OPCML: variants seen among roughly 807,000 people sequenced by gnomAD.
OPCML encodes the protein opioid-binding protein/cell adhesion molecule.
OPCML carries 13 observed loss-of-function variants against 37.8 expected under a neutral mutation model. That is an observed-to-expected ratio of 0.34 (90% CI 0.22 to 0.55). The LOEUF is 0.55. Among genes scored for constraint, OPCML ranks in the 20% least tolerant of loss-of-function variants. The pLI is 0.91. For synonymous variants in OPCML, 176 were observed against 168.8 expected (o/e 1.04, Z -0.33); for missense variants, 341 against 435.6 (o/e 0.78, Z 1.93).
At chr11:132,478,085 C>T (rs2096163553) in intron 4 of OPCML, among the ~76,000 whole-genome samples, 1 of 152,070 alleles carries the variant, frequency 6.6e-6, no homozygotes, top group African/African-American at 2.4e-5. Flanking sequence ...GCAGAATATA[C>T]TCACATGTAA....
chr11:132,783,053 C>T (rs1947090439), intron 2 of OPCML, among the ~76,000 whole-genome samples: 1 of 151,656 alleles, frequency 6.6e-6, no homozygotes, highest in African/African-American at 2.4e-5. Flanking sequence ...TTTTAGCTCA[C>T]TGTGGAAGTT....
intron 2 of OPCML, among the ~76,000 whole-genome samples, chr11:132,940,197 C>A (rs528109800): frequency 6.6e-6 from 1 of 152,176 alleles, no homozygotes; most frequent in African/African-American, 2.4e-5. Flanking sequence ...TCACTCTTCT[C>A]TGAGCTGTGC....
intron 1 of OPCML, among the ~76,000 whole-genome samples, chr11:133,401,090 T>C (rs79379960): frequency 0.046 from 7,043 of 152,240 alleles, 222 homozygotes; most frequent in Non-Finnish European, 0.073. Flanking sequence ...GAAAAGTCAC[T>C]GAAAAATAAA....
intron 2 of OPCML, among the ~76,000 whole-genome samples, chr11:132,744,483 C>T (rs1279043523): frequency 6.6e-6 from 1 of 152,142 alleles, no homozygotes; most frequent in African/African-American, 2.4e-5. Context: ...ACTTTGTCTC[C>T]ACCTCTAGCC....
intron 2 of OPCML, among the ~76,000 whole-genome samples, chr11:132,719,609 C>A (rs1944610397): frequency 6.6e-6 from 1 of 152,174 alleles, no homozygotes; most frequent in South Asian, 2.1e-4. Context: ...CAGGCAGATT[C>A]CTGCTCACAA....
At chr11:133,295,926 G>T (rs73600442) in intron 1 of OPCML, among the ~76,000 whole-genome samples, 2 of 152,044 alleles carry the variant, frequency 1.3e-5, no homozygotes, top group Admixed American at 6.6e-5. Flanking sequence ...ATTTTGAAAC[G>T]AATATAACAT....
intron 1 of OPCML, among the ~76,000 whole-genome samples, chr11:133,209,313 T>C (rs996462030): frequency 5.3e-5 from 8 of 152,222 alleles, no homozygotes; most frequent in Admixed American, 1.3e-4. Flanking sequence ...TGGAAGATTA[T>C]AGAACCAGAC....
intron 1 of OPCML, among the ~76,000 whole-genome samples, chr11:133,108,294 G>A (rs1368634405): frequency 6.6e-6 from 1 of 152,180 alleles, no homozygotes; most frequent in African/African-American, 2.4e-5. Flanking sequence ...GAAGGGTGTT[G>A]TTGTTCTTCT....
intron 1 of OPCML, among the ~76,000 whole-genome samples, chr11:133,210,866 G>A (rs1375005953): frequency 6.6e-6 from 1 of 152,130 alleles, no homozygotes. Flanking sequence ...TGTAGTGCCT[G>A]GTACAGAGGT....
intron 2 of OPCML, among the ~76,000 whole-genome samples, chr11:132,891,367 A>T (rs558594694): frequency 6.6e-6 from 1 of 152,278 alleles, no homozygotes; most frequent in Admixed American, 6.5e-5. Flanking sequence ...CTCCCTTTTC[A>T]ACCTTTCTTG....
intron 1 of OPCML, among the ~76,000 whole-genome samples, chr11:133,262,103 G>A (rs943621782): frequency 6.6e-6 from 1 of 152,076 alleles, no homozygotes; most frequent in Admixed American, 6.5e-5. Context: ...AATTATATAC[G>A]CTTTTGATGT....
chr11:133,241,292 G>T (rs552419761), intron 1 of OPCML, among the ~76,000 whole-genome samples: 244 of 152,334 alleles, frequency 1.6e-3, no homozygotes, highest in Non-Finnish European at 2.7e-3. Flanking sequence ...GCTCAGGAGT[G>T]TGCATGGAAG....
chr11:132,925,699 A>T (rs1392131094), intron 2 of OPCML, among the ~76,000 whole-genome samples: 2 of 152,116 alleles, frequency 1.3e-5, no homozygotes, highest in Non-Finnish European at 2.9e-5. Flanking sequence ...TAAACAGTGA[A>T]TCTCTGTATC....
chr11:132,642,406 A>G (rs1307342241), intron 3 of OPCML, among the ~76,000 whole-genome samples: 1 of 152,064 alleles, frequency 6.6e-6, no homozygotes, highest in Non-Finnish European at 1.5e-5. Flanking sequence ...GAATGTTATA[A>G]GATATTGAGA....
chr11:132,544,377 C>T (rs770875314), intron 3 of OPCML, among the ~76,000 whole-genome samples: 1 of 152,112 alleles, frequency 6.6e-6, no homozygotes, highest in Non-Finnish European at 1.5e-5. Context: ...GTGAGACATA[C>T]ACAAAATTAT....
chr11:132,558,506 C>T (rs75293104), intron 3 of OPCML, among the ~76,000 whole-genome samples: 2,875 of 101,568 alleles, frequency 0.028, 166 homozygotes, highest in African/African-American at 0.076. Context: ...CTCCTCCCCC[C>T]GCCCCGTTTT....
intron 2 of OPCML, among the ~76,000 whole-genome samples, chr11:132,707,756 A>G (rs73035518): frequency 0.15 from 22,555 of 152,190 alleles, 2,004 homozygotes; most frequent in Non-Finnish European, 0.2. Flanking sequence ...GTACAAACAT[A>G]TTGCCCAGTA....
intron 1 of OPCML, among the ~76,000 whole-genome samples, chr11:133,045,143 G>A (rs575784098): frequency 8.5e-5 from 13 of 152,204 alleles, no homozygotes; most frequent in African/African-American, 1.4e-4. Flanking sequence ...ACATACCCCC[G>A]GCTCTGCTCC....
In OPCML at chr11:132,607,249, A is replaced by G. The variant is rs80009011; in HGVS notation, c.379+49838T>C. On this transcript the variant is annotated intron_variant, in intron 3 of 7. Transcript: ENST00000524381. ...CAACTGGACCCCTTAGCCTCTTGTCATTGCTGCCAGGGAAGAGGATGCTCA... is the reference window on the plus strand; with the variant it reads ...CAACTGGACCCCTTAGCCTCTTGTCGTTGCTGCCAGGGAAGAGGATGCTCA... 0.012 allele frequency among the ~76,000 whole-genome samples: 1,805 copies of G among 152,290 alleles called. 131 individuals are homozygous for G. In the East Asian group the frequency reaches 0.21, roughly 18 times the overall value.
Sources: allele counts gnomAD v4.1 joint callset (sites outside exome capture counted in the v4.1 genomes callset), GRCh38; gene constraint gnomAD v4.1.1; transcripts MANE v1.5; gene names NCBI Gene and HGNC (gene_info 2026-07-23, HGNC 2026-07-21).